Variants in FAT3 observed in about 807,000 individuals in gnomAD.
FAT3 encodes protocadherin Fat 3.
FAT3 carries 95 observed loss-of-function variants against 310.2 expected under a neutral mutation model. The ratio of observed to expected loss-of-function variants is 0.31; its 90% CI spans 0.26 to 0.36. FAT3 has a LOEUF of 0.36. Ranked by LOEUF, FAT3 falls within the 10% of genes least tolerant of loss-of-function variation. FAT3 has a pLI of 1.00. For synonymous variants in FAT3, 2,314 were observed against 2,192.9 expected, an observed-to-expected ratio of 1.06 and a Z score of -1.54; for missense variants, 5,408 against 5,715.6, an observed-to-expected ratio of 0.95 and a Z score of 1.74.
intron 1 of FAT3, among the ~76,000 whole-genome samples, chr11:92,253,286 C>G (rs1314505265): frequency 1.3e-5 from 2 of 152,070 alleles, no homozygotes; most frequent in African/African-American, 2.4e-5. Context: ...CTAAGAAATG[C>G]ATCTACTCAG....
At chr11:92,835,371 A>T (rs1280009722) in intron 15 of FAT3, among the ~76,000 whole-genome samples, 1 of 152,210 alleles carries the variant, frequency 6.6e-6, no homozygotes, top group Admixed American at 6.5e-5. Flanking sequence ...ATGAATTTTT[A>T]ATGATGGCCC....
chr11:92,303,525 A>T (rs1379909645), intron 1 of FAT3, among the ~76,000 whole-genome samples: 1 of 152,038 alleles, frequency 6.6e-6, no homozygotes, highest in African/African-American at 2.4e-5. Context: ...TTGATCACTT[A>T]AGGATTTGAG....
chr11:92,370,888 A>G (rs1024087543), intron 2 of FAT3, among the ~76,000 whole-genome samples: 6 of 152,168 alleles, frequency 3.9e-5, no homozygotes, highest in African/African-American at 1.4e-4. Context: ...GAACTTCATA[A>G]TTTGGTAAAA....
At chr11:92,793,873 T>C (rs1186582999) in intron 9 of FAT3, among the ~76,000 whole-genome samples, 1 of 151,968 alleles carries the variant, frequency 6.6e-6, no homozygotes, top group East Asian at 1.9e-4. Flanking sequence ...TGAATTAAAA[T>C]ATGAATGCTA....
At position 92,800,730 on chromosome 11, in the gene FAT3, A is replaced by C; in HGVS notation, c.7717A>C (p.Arg2573=). Residue 2573 remains arginine (R), a synonymous_variant, in exon 10 of 28, where the codon AGG becomes CGG. Coordinates refer to ENST00000525166, the MANE Select transcript of FAT3 (RefSeq NM_001367949.2). ...AGAAGGGGATGTTAGTATTTTTGTGAGGGCCCTTGATGGTGGAGGGAGAAC... is the reference window on the plus strand; with the variant it reads ...AGAAGGGGATGTTAGTATTTTTGTGCGGGCCCTTGATGGTGGAGGGAGAAC... ...PLEGDVSIFV[R]ALDGGGRTTF... is the part of the protein sequence containing the mutation. 1 of 1,613,846 alleles carries C rather than the reference A, an allele frequency of 6.2e-7. No homozygotes were observed. Among genetic ancestry groups the C allele is most frequent in the South Asian group, 1.1e-5 (1 of 91,066 alleles).
At chr11:92,876,783 T>G (rs1949545043) in intron 22 of FAT3, among the ~76,000 whole-genome samples, 1 of 152,252 alleles carries the variant, frequency 6.6e-6, no homozygotes, top group Non-Finnish European at 1.5e-5. Context: ...TAATGGGTAT[T>G]CAGCAAAACA....
intron 3 of FAT3, among the ~76,000 whole-genome samples, chr11:92,623,346 G>T (rs1460112799): frequency 2.0e-5 from 3 of 152,048 alleles, no homozygotes; most frequent in African/African-American, 7.2e-5. Flanking sequence ...CTCCTCTCTT[G>T]CCTCCTCTAA....
chr11:92,859,208 T>C lies in FAT3; in HGVS notation c.11544T>C (p.Tyr3848=), dbSNP rs756944995. The change falls in exon 21 of 28, where the codon TAT becomes TAC. Residue 3848 remains tyrosine, a synonymous_variant. Transcript: ENST00000525166. Reference sequence around the variant, plus strand: ...TTGCTGGAAACAGTTACATCAAATATCGGCTTTCTGAAAATAGCAAAGAAG... The same window carrying C: ...TTGCTGGAAACAGTTACATCAAATACCGGCTTTCTGAAAATAGCAAAGAAG... ...LSFAGNSYIK[Y]RLSENSKEED... 3.0e-5 allele frequency: 49 copies of C among 1,613,760 alleles called. No individual in the cohort carries two copies. The highest frequency in any genetic ancestry group is 6.7e-5 in the East Asian group (3 of 44,886).
intron 2 of FAT3, among the ~76,000 whole-genome samples, chr11:92,375,455 G>T (rs1240259202): frequency 6.6e-6 from 1 of 152,120 alleles, no homozygotes; most frequent in Non-Finnish European, 1.5e-5. Context: ...ATTGGATTTT[G>T]TAAAAAGTGT....
intron 2 of FAT3, among the ~76,000 whole-genome samples, chr11:92,419,525 T>A (rs1300361416): frequency 6.6e-6 from 1 of 152,184 alleles, no homozygotes; most frequent in African/African-American, 2.4e-5. Context: ...GAAGACTAAT[T>A]GGAAGATACA....
At chr11:92,843,848 C>A in intron 18 of FAT3, 86 bp from the exon 19 acceptor site, 1 of 1,252,540 alleles carries the variant, frequency 8.0e-7, no homozygotes. Flanking sequence ...CGTAAAGGTA[C>A]AGACGTCTTC....
At chr11:92,524,568 T>C (rs1318722767) in intron 2 of FAT3, 66 bp from the exon 3 acceptor site, 1 of 1,489,040 alleles carries the variant, frequency 6.7e-7, no homozygotes, top group Non-Finnish European at 9.1e-7. Flanking sequence ...TCCTTTGGAA[T>C]TTGAGATTAT....
rs550386013 is a variant in FAT3, at chr11:92,880,995, G to T, written c.12281+111G>T. The T allele has an allele frequency of 4.3e-6, 5 of 1,175,920 alleles. No homozygotes were observed. In the East Asian group the frequency reaches 9.4e-5, roughly 22 times the overall value. The allele number at this position is 1,175,920 out of a possible 1,614,324, so 72.8% of individuals were successfully genotyped here. On this transcript the variant is annotated intron_variant, in intron 23 of 27. Transcript: ENST00000525166. ...TTACCACTAATAGTACAGGCAAAGGGTTAACATCTGCACGATACGTATAAG... is the reference window on the plus strand; with the variant it reads ...TTACCACTAATAGTACAGGCAAAGGTTTAACATCTGCACGATACGTATAAG...
chr11:92,774,798 C>A (rs927064679), intron 7 of FAT3, among the ~76,000 whole-genome samples: 1 of 152,148 alleles, frequency 6.6e-6, no homozygotes, highest in African/African-American at 2.4e-5. Flanking sequence ...CTGTGTGATT[C>A]TGACATGCAG....
rs556655392 is a variant in FAT3, at chr11:92,600,585, T to C, written c.3607+75637T>C. The stretch of plus-strand genomic sequence containing the variant: ...ACTCATTTATTCATTCATTTGTTCA[T>C]TTGTTAATTGAGTGTCTACTATTTG... On this transcript the variant is annotated intron_variant, in intron 3 of 27. Coordinates refer to ENST00000525166, the MANE Select transcript of FAT3 (RefSeq NM_001367949.2). Among the ~76,000 whole-genome samples, 16 of 152,348 alleles carry C rather than the reference T, an allele frequency of 1.1e-4. No homozygotes were observed. In the East Asian group the frequency reaches 3.1e-3, roughly 29 times the overall value.
chr11:92,422,954 A>G (rs1230432556), intron 2 of FAT3, among the ~76,000 whole-genome samples: 2 of 152,158 alleles, frequency 1.3e-5, no homozygotes, highest in Non-Finnish European at 1.5e-5. Flanking sequence ...AGTGTTATTC[A>G]TTCTTCCCCC....
chr11:92,799,711 T>C lies in FAT3; in HGVS notation c.6698T>C (p.Ile2233Thr), dbSNP rs758536773. 5.6e-6 allele frequency: 9 copies of C among 1,613,098 alleles called. No homozygotes were observed. The South Asian group carries it at 8.8e-5, about 16-fold the overall frequency. ...GGGGACCCTTTTAAACAGTTTAACATTGACTTTGACACTGGGGTCCTGAAA... is the reference window on the plus strand; with the variant it reads ...GGGGACCCTTTTAAACAGTTTAACACTGACTTTGACACTGGGGTCCTGAAA... ...IDGDPFKQFN[I>T]DFDTGVLKVV... The change falls in exon 10 of 28, where the codon ATT becomes ACT. Residue 2233 changes from isoleucine (I) to threonine (T), a missense_variant. By Grantham distance (89) the Ile-to-Thr change is moderately conservative. Coordinates refer to ENST00000525166, the MANE Select transcript of FAT3 (RefSeq NM_001367949.2).
chr11:92,550,463 A>T (rs1954771649), intron 3 of FAT3, among the ~76,000 whole-genome samples: 1 of 152,194 alleles, frequency 6.6e-6, no homozygotes, highest in African/African-American at 2.4e-5. Context: ...TTTTCCAGGG[A>T]AATTTTCATA....
At chr11:92,267,585 T>C (rs1457577125) in intron 1 of FAT3, among the ~76,000 whole-genome samples, 2 of 148,014 alleles carry the variant, frequency 1.4e-5, no homozygotes, top group East Asian at 2.0e-4. Flanking sequence ...AAAAAAAAAG[T>C]GGTGGTGGGA....
Sources: gnomAD v4.1 joint callset for allele counts (sites outside exome capture counted in the v4.1 genomes callset) on GRCh38, gnomAD v4.1.1 for gene constraint, MANE v1.5 for transcripts, NCBI Gene and HGNC (gene_info 2026-07-23, HGNC 2026-07-21) for gene names.